Variants in TMEM181 observed in about 807,000 individuals in gnomAD.
The protein encoded by TMEM181 is G protein-coupled receptor 178.
In TMEM181, 39 loss-of-function variants were observed where a neutral mutation model predicts 71.9. The observed-to-expected ratio is 0.54, with a 90% CI of 0.42 to 0.71. TMEM181 has a LOEUF of 0.71. Ranked by LOEUF, TMEM181 falls within the 30% of genes least tolerant of loss-of-function variation. The probability of loss-of-function intolerance (pLI) is 0.00; values close to 1 mark genes in which losing one functional copy is unlikely to be tolerated. For missense variants in TMEM181, 595 were observed against 583.0 expected (o/e 1.02, Z -0.21); for synonymous variants, 245 against 228.8 (o/e 1.07, Z -0.64).
intron 1 of TMEM181, among the ~76,000 whole-genome samples, chr6:158,553,704 T>C (rs1354089763): frequency 6.6e-6 from 1 of 152,174 alleles, no homozygotes; most frequent in Non-Finnish European, 1.5e-5. Flanking sequence ...TGTGCAGACA[T>C]TTTTATTTTT....
rs752402151 is a variant in TMEM181, at chr6:158,631,900, C to T, written c.*12C>T. Reference sequence around the variant, plus strand: ...CAGATAGTGACTGAGCCCCGGCCAGCCCAGCGAGGCGACAAGATGCCTGGA... The same window carrying T: ...CAGATAGTGACTGAGCCCCGGCCAGTCCAGCGAGGCGACAAGATGCCTGGA... On this transcript the variant is annotated 3_prime_UTR_variant, in exon 17 of 17. Coordinates refer to ENST00000684151, the MANE Select transcript of TMEM181 (RefSeq NM_001376852.1). 1 of 1,573,792 alleles carries T rather than the reference C, an allele frequency of 6.4e-7. No homozygotes were observed. Among genetic ancestry groups the T allele is most frequent in the Admixed American group, 1.8e-5 (1 of 54,368 alleles).
chr6:158,581,026 G>C (rs1177176824), intron 3 of TMEM181, 31 bp downstream of exon 3: 1 of 1,595,456 alleles, frequency 6.3e-7, no homozygotes, highest in South Asian at 1.1e-5. Context: ...CAGCTGGGTG[G>C]TGGGGTGCAT....
intron 1 of TMEM181, among the ~76,000 whole-genome samples, chr6:158,549,525 A>G (rs926733177): frequency 6.6e-6 from 1 of 152,240 alleles, no homozygotes; most frequent in African/African-American, 2.4e-5. Flanking sequence ...GGTTGTTTAC[A>G]GACTTCAAGA....
At chr6:158,622,589 A>C (rs1786028690) in intron 10 of TMEM181, among the ~76,000 whole-genome samples, 1 of 152,226 alleles carries the variant, frequency 6.6e-6, no homozygotes, top group Admixed American at 6.5e-5. Flanking sequence ...TTTAAAACTT[A>C]GGGAATGCTT....
intron 1 of TMEM181, among the ~76,000 whole-genome samples, chr6:158,567,043 A>G (rs1282450916): frequency 6.6e-6 from 1 of 152,226 alleles, no homozygotes; most frequent in Non-Finnish European, 1.5e-5. Context: ...CAAAGAGTCA[A>G]GGGGACCTTC....
At chr6:158,605,183 G>A in intron 6 of TMEM181, 84 bp from the exon 7 acceptor site, 1 of 920,612 alleles carries the variant, frequency 1.1e-6, no homozygotes, top group Non-Finnish European at 1.7e-6. Flanking sequence ...GTCTCATCTA[G>A]AGATAACTAT....
At position 158,623,619 on chromosome 6, in the gene TMEM181, T is replaced by A; in HGVS notation, c.954+12T>A. ...CCGGAAATTTTCAGGTAAGGATTGT[T>A]AATGAGGCCTGCAATTTTTCTTCTT... is the stretch of plus-strand genomic sequence containing the variant. On this transcript the variant is annotated intron_variant, in intron 11 of 16. Transcript: ENST00000684151. 4 of 1,557,700 alleles carry A rather than the reference T, an allele frequency of 2.6e-6. No individual in the cohort carries two copies. Among genetic ancestry groups the A allele is most frequent in the Non-Finnish European group, 3.5e-6 (4 of 1,143,476 alleles).
At chr6:158,619,231 A>G (rs1258900298) in intron 10 of TMEM181, among the ~76,000 whole-genome samples, 2 of 151,900 alleles carry the variant, frequency 1.3e-5, no homozygotes, top group East Asian at 3.9e-4. Context: ...TTCTTGCTTC[A>G]TTTCATTCAT....
chr6:158,542,202 C>T (rs531083512), intron 1 of TMEM181, among the ~76,000 whole-genome samples: 65 of 152,114 alleles, frequency 4.3e-4, no homozygotes, highest in Non-Finnish European at 5.3e-4. Context: ...CCACTGCACC[C>T]GGCCTAGATA....
intron 1 of TMEM181, among the ~76,000 whole-genome samples, chr6:158,538,099 C>T (rs1781194713): frequency 1.3e-5 from 2 of 151,164 alleles, no homozygotes; most frequent in Admixed American, 6.6e-5. Context: ...AGATTATTTC[C>T]AATCTCCTTT....
chr6:158,561,171 C>T (rs1782152151), intron 1 of TMEM181, among the ~76,000 whole-genome samples: 1 of 152,184 alleles, frequency 6.6e-6, no homozygotes, highest in Non-Finnish European at 1.5e-5. Flanking sequence ...GCTGATTTCT[C>T]TGGCTGTGGA....
intron 1 of TMEM181, among the ~76,000 whole-genome samples, chr6:158,552,633 A>G (rs973437660): frequency 1.3e-5 from 2 of 152,188 alleles, no homozygotes; most frequent in East Asian, 1.9e-4. Context: ...TGAAGGGAAA[A>G]GTTACAGGAG....
chr6:158,611,367 C>T (rs955682669), intron 10 of TMEM181: 3 of 530,926 alleles, frequency 5.7e-6, no homozygotes, highest in Non-Finnish European at 1.1e-5. Context: ...TCCTTTTCGG[C>T]ATTGATTTCC....
At chr6:158,544,177 G>A (rs1781445758) in intron 1 of TMEM181, among the ~76,000 whole-genome samples, 1 of 86,062 alleles carries the variant, frequency 1.2e-5, no homozygotes, top group African/African-American at 4.6e-5. Context: ...GTGCAAATTG[G>A]AGAGAGTGTG....
chr6:158,544,182 A>AGAGAGAGAGTGT (rs149735409), intron 1 of TMEM181, among the ~76,000 whole-genome samples: 37 of 127,634 alleles, frequency 2.9e-4, no homozygotes, highest in African/African-American at 7.3e-4. Context: ...AATTGGAGAG[A>AGAGAGAGAGTGT]GTGTGTGTGT....
chr6:158,608,840 G>A, intron 10 of TMEM181, 90 bp downstream of exon 10: 1 of 1,216,548 alleles, frequency 8.2e-7, no homozygotes, highest in Non-Finnish European at 1.2e-6. Flanking sequence ...GCTCACGCCT[G>A]TAATCCCAGC....
intron 1 of TMEM181, among the ~76,000 whole-genome samples, chr6:158,553,835 G>A (rs955336980): frequency 6.6e-6 from 1 of 152,152 alleles, no homozygotes; most frequent in Non-Finnish European, 1.5e-5. Flanking sequence ...GTAGGTTCTT[G>A]GAAACTGTGA....
chr6:158,578,370 GT>G (rs993300808), intron 2 of TMEM181, among the ~76,000 whole-genome samples: 3 of 151,632 alleles, frequency 2.0e-5, no homozygotes, highest in African/African-American at 7.3e-5. Flanking sequence ...CATTTTTTTT[GT>G]TTTCAACGTT....
In TMEM181 at chr6:158,585,225, A is replaced by G. The variant is rs531986850; in HGVS notation, c.260-79A>G. The G allele has an allele frequency of 2.7e-6, 4 of 1,460,142 alleles. No homozygotes were observed. In the South Asian group the frequency reaches 5.9e-5, roughly 22 times the overall value. The allele number at this position is 1,460,142 out of a possible 1,614,324, so 90.4% of individuals were successfully genotyped here. On this transcript the variant is annotated intron_variant, in intron 4 of 16. Transcript: ENST00000684151. ...TAAGCGTTTTCCTGGCTCCAAGGTCATTACAGAGCCAGGAAGGCACCTTTG... is the reference window on the plus strand; with the variant it reads ...TAAGCGTTTTCCTGGCTCCAAGGTCGTTACAGAGCCAGGAAGGCACCTTTG...
Sources: allele counts gnomAD v4.1 joint callset (sites outside exome capture counted in the v4.1 genomes callset), GRCh38; gene constraint gnomAD v4.1.1; transcripts MANE v1.5; gene names NCBI Gene and HGNC (gene_info 2026-07-23, HGNC 2026-07-21).